Variants in ERBB4 observed in about 807,000 individuals in gnomAD.
ERBB4 encodes receptor tyrosine-protein kinase erbB-4.
Under a neutral mutation model 158.0 loss-of-function variants are expected in ERBB4, and 42 were observed. The ratio of observed to expected loss-of-function variants is 0.27; its 90% CI spans 0.21 to 0.34. The LOEUF (loss-of-function observed/expected upper bound fraction) is 0.34. ERBB4 is among the 10% of genes least tolerant of loss of function. ERBB4 has a pLI of 1.00. For synonymous variants in ERBB4, 583 were observed against 558.7 expected (o/e 1.04, Z -0.61); for missense variants, 1,333 against 1,624.1 (o/e 0.82, Z 3.08).
At chr2:212,402,826 A>G (rs994724679) in intron 1 of ERBB4, among the ~76,000 whole-genome samples, 1 of 152,120 alleles carries the variant, frequency 6.6e-6, no homozygotes, top group Non-Finnish European at 1.5e-5. Flanking sequence ...TAGTTTTATC[A>G]ATAAATATCA....
intron 1 of ERBB4, among the ~76,000 whole-genome samples, chr2:212,484,196 C>A (rs755037089): frequency 2.7e-4 from 41 of 152,066 alleles, no homozygotes; most frequent in Non-Finnish European, 5.4e-4. Flanking sequence ...TCACTTGAAA[C>A]CTTCTATAAA....
At chr2:211,672,073 T>C (rs1337738846) in intron 14 of ERBB4, among the ~76,000 whole-genome samples, 1 of 152,168 alleles carries the variant, frequency 6.6e-6, no homozygotes, top group Non-Finnish European at 1.5e-5. Flanking sequence ...TGGCCAATTT[T>C]TCCACATCTT....
At chr2:211,823,573 A>C (rs1001606400) in intron 3 of ERBB4, among the ~76,000 whole-genome samples, 7 of 152,164 alleles carry the variant, frequency 4.6e-5, no homozygotes, top group Middle Eastern at 3.4e-3. Flanking sequence ...TCTCAGCTGC[A>C]AATGGAGAAT....
Position 212,168,000 on chromosome 2 carries a change from T to A in ERBB4, c.83-43097A>T, listed in dbSNP as rs186133950. On this transcript the variant is annotated intron_variant, in intron 1 of 27. Coordinates refer to ENST00000342788, the MANE Select transcript of ERBB4 (RefSeq NM_005235.3). ...GGTCAATAGGTGCAGCAAACCACCA[T>A]GGCACACGTATACCTATGTAACAAA... Among the ~76,000 whole-genome samples, 5 of 151,710 alleles carry A rather than the reference T, an allele frequency of 3.3e-5. 1 individual carries two copies. The highest frequency in any genetic ancestry group is 1.2e-4 in the African/African-American group (5 of 41,344).
At chr2:212,190,049 C>T (rs1004339913) in intron 1 of ERBB4, among the ~76,000 whole-genome samples, 2 of 152,140 alleles carry the variant, frequency 1.3e-5, no homozygotes, top group Non-Finnish European at 2.9e-5. Context: ...TTTCCATAGG[C>T]ATAGCTACCT....
Position 212,388,183 on chromosome 2 carries a change from TAC to T in ERBB4, c.82+150264_82+150265del, listed in dbSNP as rs1202352023. On this transcript the variant is annotated intron_variant, in intron 1 of 27. Coordinates refer to ENST00000342788, the MANE Select transcript of ERBB4 (RefSeq NM_005235.3). ...TACTAACTAGAGTTTTATAAAAAGATACAGAGAATTTATTAAAATAGGAAGAA... is the reference window on the plus strand; with the variant it reads ...TACTAACTAGAGTTTTATAAAAAGATAGAGAATTTATTAAAATAGGAAGAA... Among the ~76,000 whole-genome samples the T allele has an allele frequency of 5.9e-5, 9 of 152,200 alleles. No homozygotes were observed. The East Asian group carries it at 1.5e-3, about 26-fold the overall frequency.
At chr2:212,102,823 T>C (rs1420185607) in intron 2 of ERBB4, among the ~76,000 whole-genome samples, 3 of 152,112 alleles carry the variant, frequency 2.0e-5, no homozygotes, top group Non-Finnish European at 4.4e-5. Context: ...CCTTGACATC[T>C]ACAGCTATCA....
At chr2:211,581,678 A>G (rs2125772804) in intron 19 of ERBB4, among the ~76,000 whole-genome samples, 1 of 152,086 alleles carries the variant, frequency 6.6e-6, no homozygotes, top group African/African-American at 2.4e-5. Flanking sequence ...TTTTCTTTAT[A>G]GTTCACTTCA....
chr2:211,507,299 C>T lies in ERBB4; in HGVS notation c.2487+54604G>A, dbSNP rs562573142. Among the ~76,000 whole-genome samples the T allele has an allele frequency of 1.4e-3, 208 of 152,260 alleles. 2 individuals carry two copies. The highest frequency in any genetic ancestry group is 3.4e-3 in the Middle Eastern group (1 of 294). ...CAGACTTACAAAGAAGAGCTAGTAC[C>T]TGTCCTACTGAAATTACTCTGAAAA... On this transcript the variant is annotated intron_variant, in intron 20 of 27. Coordinates refer to ENST00000342788, the MANE Select transcript of ERBB4 (RefSeq NM_005235.3).
intron 20 of ERBB4, among the ~76,000 whole-genome samples, chr2:211,446,156 T>C (rs1322572532): frequency 6.6e-6 from 1 of 152,112 alleles, no homozygotes; most frequent in Non-Finnish European, 1.5e-5. Flanking sequence ...AGGAGGACCA[T>C]TGGTCTGATT....
chr2:212,155,369 C>G (rs1425113976), intron 1 of ERBB4, among the ~76,000 whole-genome samples: 1 of 151,476 alleles, frequency 6.6e-6, no homozygotes, highest in Non-Finnish European at 1.5e-5. Flanking sequence ...TATCCCACAC[C>G]CCAATGTCTT....
chr2:211,405,699 G>C (rs2063132250), intron 25 of ERBB4, among the ~76,000 whole-genome samples: 1 of 151,900 alleles, frequency 6.6e-6, no homozygotes, highest in Non-Finnish European at 1.5e-5. Flanking sequence ...CTCTTCACTA[G>C]TTCTACATTC....
At chr2:211,442,968 A>G (rs982314770) in intron 20 of ERBB4, among the ~76,000 whole-genome samples, 1 of 151,966 alleles carries the variant, frequency 6.6e-6, no homozygotes. Context: ...TGGAGATGAC[A>G]TAACTCAGTT....
intron 20 of ERBB4, among the ~76,000 whole-genome samples, chr2:211,456,863 G>GTAATGCTCACTTGCAGCCT (rs1461225487): frequency 6.6e-6 from 1 of 152,198 alleles, no homozygotes; most frequent in Non-Finnish European, 1.5e-5. Context: ...AGCGCAGGCA[G>GTAATGCTCACTTGCAGCCT]TAATGCTCAC....
intron 1 of ERBB4, among the ~76,000 whole-genome samples, chr2:212,249,832 G>A (rs2084462812): frequency 6.6e-6 from 1 of 151,878 alleles, no homozygotes; most frequent in Admixed American, 6.6e-5. Context: ...AAAGAAATCA[G>A]CCGACATTTT....
intron 2 of ERBB4, among the ~76,000 whole-genome samples, chr2:212,078,215 A>C (rs996949627): frequency 1.3e-5 from 2 of 152,056 alleles, no homozygotes; most frequent in Non-Finnish European, 2.9e-5. Context: ...TATTTGTCCC[A>C]GCAACTTCAC....
At chr2:211,810,482 A>T (rs1368057748) in intron 3 of ERBB4, among the ~76,000 whole-genome samples, 6 of 151,856 alleles carry the variant, frequency 4.0e-5, no homozygotes, top group Non-Finnish European at 8.8e-5. Flanking sequence ...GTTTGTTTAA[A>T]GTCTGTTTTG....
At chr2:211,606,407 A>T (rs1389245942) in intron 19 of ERBB4, among the ~76,000 whole-genome samples, 4 of 150,980 alleles carry the variant, frequency 2.6e-5, no homozygotes, top group Non-Finnish European at 5.9e-5. Flanking sequence ...AAATAAAGGA[A>T]ATGTGGATTT....
chr2:212,130,570 G>A (rs545100991), intron 1 of ERBB4, among the ~76,000 whole-genome samples: 9 of 151,886 alleles, frequency 5.9e-5, no homozygotes, highest in Non-Finnish European at 1.0e-4. Flanking sequence ...ATTAATTATC[G>A]CCTCCAAGCT....
Sources: allele counts gnomAD v4.1 joint callset (sites outside exome capture counted in the v4.1 genomes callset), GRCh38; gene constraint gnomAD v4.1.1; transcripts MANE v1.5; gene names NCBI Gene and HGNC (gene_info 2026-07-23, HGNC 2026-07-21).